The following PIH1D2 variants were observed in gnomAD, a reference collection of about 807,000 sequenced individuals.
PIH1D2 encodes the protein PIH1 domain containing 2.
Under a neutral mutation model 31.2 loss-of-function variants are expected in PIH1D2, and 25 were observed. That is an observed-to-expected ratio of 0.80 (90% CI 0.58 to 1.12). The LOEUF is 1.12. PIH1D2 is among the 50% of genes most tolerant of loss of function. The pLI, the probability that PIH1D2 is intolerant of heterozygous loss-of-function variation, is 0.00. For missense variants in PIH1D2, 310 were observed against 356.6 expected, an observed-to-expected ratio of 0.87 and a Z score of 1.05; for synonymous variants, 116 against 119.9, an observed-to-expected ratio of 0.97 and a Z score of 0.21.
downstream of PIH1D2, among the ~76,000 whole-genome samples, chr11:112,058,904 T>G (rs1469800826): frequency 1.3e-5 from 2 of 152,188 alleles, no homozygotes; most frequent in African/African-American, 4.8e-5. Context: ...GTTTGATAAC[T>G]GAATTTCAGT....
Position 112,070,701 on chromosome 11 carries a change from T to C in PIH1D2, c.548A>G (p.Glu183Gly). 6.2e-7 allele frequency: 1 copy of C among 1,606,412 alleles called. No homozygotes were observed. The highest frequency in any genetic ancestry group is 2.2e-5 in the East Asian group (1 of 44,832). ...GCTTCGTATCTGTCCAAGAGTTAGT[T>C]CTTTATGAAAAAAAGGGTGGAGGGG... ...SIDLREKMRR[E>G]LTLGQIRSST... is the part of the protein sequence containing the mutation. Residue 183 changes from glutamate (E) to glycine (G), a missense_variant and splice_region_variant, in exon 5 of 6, where the codon GAA becomes GGA. By Grantham distance (98) the Glu-to-Gly change is moderately conservative. Transcript: ENST00000280350.
rs373365210 is a variant in PIH1D2 at position 112,072,881 on chromosome 11, AAAC to A, written c.177+114_177+116del. On this transcript the variant is annotated intron_variant, in intron 2 of 5. Transcript: ENST00000280350. ...CTGTCTCAAAAAACAAAACAAAACA[AAAC>A]AAAACAAAAAAAAAACAAAAAAAAT... 8.6e-3 allele frequency: 9,600 copies of A among 1,116,288 alleles called. 58 individuals are homozygous for A. Among genetic ancestry groups the A allele is most frequent in the Middle Eastern group, 0.024 (77 of 3,146 alleles). The allele number at this position is 1,116,288 out of a possible 1,614,324, so 69.1% of individuals were successfully genotyped here. A position where few individuals can be genotyped will look rare whatever the true frequency, so the allele number is the denominator to read the frequency against.
chr11:112,058,894 G>A (rs999139369), downstream of PIH1D2, among the ~76,000 whole-genome samples: 8 of 152,088 alleles, frequency 5.3e-5, no homozygotes, highest in African/African-American at 1.2e-4. Flanking sequence ...CTTTTGAACC[G>A]TTTGATAACT....
the PIH1D2 span, among the ~76,000 whole-genome samples, chr11:112,055,304 C>T: frequency 4.5e-3 from 574 of 127,698 alleles, 3 homozygotes; most frequent in African/African-American, 0.016. Flanking sequence ...AGTGCAGTGG[C>T]GCAATCTCGG....
At chr11:112,060,167 T>TC, downstream of PIH1D2, 1 of 1,141,736 alleles carries the variant, frequency 8.8e-7, no homozygotes, top group East Asian at 2.6e-5. Context: ...AATTTTTTTT[T>TC]TTTTTTTTTT....
At chr11:112,058,354 A>G (rs1243793721), downstream of PIH1D2, among the ~76,000 whole-genome samples, 1 of 152,158 alleles carries the variant, frequency 6.6e-6, no homozygotes, top group Non-Finnish European at 1.5e-5. Context: ...TTATTAGAGC[A>G]GGTTCCTGTG....
the PIH1D2 span, among the ~76,000 whole-genome samples, chr11:112,055,331 C>T: frequency 6.6e-6 from 1 of 150,618 alleles, no homozygotes; most frequent in Non-Finnish European, 1.5e-5. Context: ...GCAACCTCCG[C>T]CTCGTGGGTT....
At chr11:112,066,800 C>T (rs587768463), downstream of PIH1D2, among the ~76,000 whole-genome samples, 5 of 152,118 alleles carry the variant, frequency 3.3e-5, no homozygotes, top group East Asian at 1.9e-4. Context: ...CCATGGCTCA[C>T]GTCTGTAATC....
downstream of PIH1D2, among the ~76,000 whole-genome samples, chr11:112,060,782 T>C (rs186009709): frequency 1.9e-4 from 29 of 152,320 alleles, no homozygotes; most frequent in African/African-American, 5.8e-4. Context: ...GTAACTCTTA[T>C]TGACACACCG....
At chr11:112,069,713 TA>T (rs1865051383) in intron 5 of PIH1D2, 1 of 152,174 alleles carries the variant, frequency 6.6e-6, no homozygotes, top group African/African-American at 2.4e-5. Flanking sequence ...TCAAGGAACC[TA>T]AGTAAGAACA....
chr11:112,071,595 A>G lies in PIH1D2; in HGVS notation c.301+40T>C, dbSNP rs1555184634. 6.9e-6 allele frequency: 11 copies of G among 1,592,642 alleles called. No homozygotes were observed. In the Admixed American group the frequency reaches 1.7e-4, roughly 24 times the overall value. ...CCAAGTAAGATCTTGTCCATTCCTA[A>G]TAAAATTTTTACAATGTGCTTTCTC... On this transcript the variant is annotated intron_variant, in intron 3 of 5. Transcript: ENST00000280350.
downstream of PIH1D2, chr11:112,061,191 A>G: frequency 6.2e-7 from 1 of 1,613,912 alleles, no homozygotes; most frequent in Non-Finnish European, 8.5e-7. Flanking sequence ...GCCAAAATGG[A>G]GGGGAAGTCG....
chr11:112,067,785 A>G, downstream of PIH1D2: 10 of 1,496,090 alleles, frequency 6.7e-6, no homozygotes, highest in Non-Finnish European at 7.2e-6. Context: ...TGTTTAAGAT[A>G]AACTACTACC....
chr11:112,071,561 T>C, intron 3 of PIH1D2, 74 bp downstream of exon 3: 1 of 1,497,896 alleles, frequency 6.7e-7, no homozygotes, highest in Non-Finnish European at 9.2e-7. Context: ...TTACTTGAAA[T>C]GCTCTCAACC....
At chr11:112,059,072 G>C (rs1249705328), downstream of PIH1D2, among the ~76,000 whole-genome samples, 3 of 151,538 alleles carry the variant, frequency 2.0e-5, no homozygotes, top group Non-Finnish European at 2.9e-5. Flanking sequence ...AAAAGATTGG[G>C]ACCCCTTACT....
chr11:112,072,905 AAAAT>A, intron 2 of PIH1D2, 89 bp downstream of exon 2: 1 of 1,282,560 alleles, frequency 7.8e-7, no homozygotes, highest in Non-Finnish European at 1.0e-6. Context: ...AAAAACAAAA[AAAAT>A]TAGCAATACC....
At chr11:112,073,245 T>TA (rs1555185092) in intron 1 of PIH1D2, 40 bp from the exon 2 acceptor site, 1 of 1,361,078 alleles carries the variant, frequency 7.3e-7, no homozygotes, top group African/African-American at 1.5e-5. Context: ...ACTGTCTGTG[T>TA]AATTATTGAT....
chr11:112,073,640 CTA>C (rs1417252298), intron 1 of PIH1D2, among the ~76,000 whole-genome samples: 1 of 152,116 alleles, frequency 6.6e-6, no homozygotes, highest in African/African-American at 2.4e-5. Context: ...GGTCTTAGTT[CTA>C]TCTCTCACTA....
downstream of PIH1D2, chr11:112,067,685 A>AAAAAAAAAATATATATATATATAT: frequency 1.1e-4 from 2 of 17,804 alleles, no homozygotes; most frequent in Non-Finnish European, 2.2e-4. Flanking sequence ...AAAAAAAAAA[A>AAAAAAAAAATATATATATATATAT]ATATATATAT....
Sources: allele counts gnomAD v4.1 joint callset (sites outside exome capture counted in the v4.1 genomes callset), GRCh38; gene constraint gnomAD v4.1.1; transcripts MANE v1.5; gene names NCBI Gene and HGNC (gene_info 2026-07-23, HGNC 2026-07-21).